The following RUNDC3B variants were observed in gnomAD, a reference collection of about 807,000 sequenced individuals.
RUNDC3B encodes RUN domain containing 3B, also known as RUN domain-containing protein 3B.
A neutral mutation model predicts 58.4 loss-of-function variants in RUNDC3B; 33 were observed. The observed-to-expected ratio is 0.56, with a 90% confidence interval of 0.43 to 0.75. The LOEUF is 0.75. Among genes scored for constraint, RUNDC3B ranks in the 30% least tolerant of loss-of-function variants. The pLI, the probability that RUNDC3B is intolerant of heterozygous loss-of-function variation, is 0.00. For missense variants in RUNDC3B, 501 were observed against 535.7 expected (o/e 0.94, Z 0.64); for synonymous variants, 193 against 195.2 (o/e 0.99, Z 0.10).
chr7:87,832,135 C>A lies in RUNDC3B; in HGVS notation c.*2105C>A, dbSNP rs982076348. ...TTTGTTACTGTTTGCATGAGGAAAC[C>A]ATGTATGTCTCAATCTTTAATTTTA... On this transcript the variant is annotated 3_prime_UTR_variant, in exon 11 of 11. Coordinates refer to ENST00000394654, the MANE Select transcript of RUNDC3B (RefSeq NM_001134405.2). 3 of 151,822 alleles carry A rather than the reference C, an allele frequency of 2.0e-5. No individual in the cohort carries two copies. The highest frequency in any genetic ancestry group is 7.3e-5 in the African/African-American group (3 of 41,378). 9.4% of individuals were successfully genotyped at this position (151,822 alleles called of 1,614,324 possible).
intron 2 of RUNDC3B, among the ~76,000 whole-genome samples, chr7:87,671,061 G>A (rs1825779239): frequency 6.6e-6 from 1 of 152,064 alleles, no homozygotes. Flanking sequence ...TGTTTCCTGG[G>A]GGCTCCAACC....
At chr7:87,642,804 T>C (rs1001938886) in intron 1 of RUNDC3B, among the ~76,000 whole-genome samples, 7 of 152,188 alleles carry the variant, frequency 4.6e-5, no homozygotes, top group Non-Finnish European at 1.0e-4. Context: ...ATGTTAATAA[T>C]ATAGTATTTC....
At chr7:87,809,035 CAG>C (rs1046250454) in intron 9 of RUNDC3B, among the ~76,000 whole-genome samples, 8 of 152,076 alleles carry the variant, frequency 5.3e-5, no homozygotes, top group Non-Finnish European at 1.2e-4. Context: ...TCCCAATCTA[CAG>C]AGTTATCTAT....
chr7:87,655,525 C>T (rs559773017), intron 2 of RUNDC3B, among the ~76,000 whole-genome samples: 3 of 151,962 alleles, frequency 2.0e-5, no homozygotes, highest in Non-Finnish European at 2.9e-5. Context: ...AAGTTGAATT[C>T]GTAGAAGTAG....
At chr7:87,642,997 C>T (rs549923050) in intron 1 of RUNDC3B, among the ~76,000 whole-genome samples, 1 of 151,994 alleles carries the variant, frequency 6.6e-6, no homozygotes, top group African/African-American at 2.4e-5. Flanking sequence ...CCCACTGTAA[C>T]CTTGAATTCC....
At chr7:87,743,408 G>T (rs1349261643) in intron 6 of RUNDC3B, among the ~76,000 whole-genome samples, 13 of 152,158 alleles carry the variant, frequency 8.5e-5, no homozygotes, top group Admixed American at 8.5e-4. Flanking sequence ...TTCCATAGTG[G>T]CTGTACTAGT....
At chr7:87,816,382 G>A (rs543345875) in intron 10 of RUNDC3B, 120 bp downstream of exon 10, 7 of 719,298 alleles carry the variant, frequency 9.7e-6, no homozygotes, top group Non-Finnish European at 1.5e-5. Flanking sequence ...AAATTAAGCA[G>A]CCATTATGAT....
At chr7:87,669,858 T>G (rs1825657326) in intron 2 of RUNDC3B, among the ~76,000 whole-genome samples, 1 of 152,208 alleles carries the variant, frequency 6.6e-6, no homozygotes, top group Non-Finnish European at 1.5e-5. Context: ...CTAATGGAGT[T>G]CCTTTTGTAG....
chr7:87,639,780 C>T (rs1229073748), intron 1 of RUNDC3B, among the ~76,000 whole-genome samples: 2 of 151,786 alleles, frequency 1.3e-5, no homozygotes, highest in African/African-American at 4.8e-5. Context: ...TTTCTGGGCT[C>T]TTATATTTAG....
At chr7:87,726,972 T>A (rs1356809123) in intron 4 of RUNDC3B, among the ~76,000 whole-genome samples, 6 of 152,184 alleles carry the variant, frequency 3.9e-5, no homozygotes, top group African/African-American at 1.4e-4. Flanking sequence ...GCTTATCAGC[T>A]TAAGGAGATT....
At chr7:87,760,020 G>A (rs1833587650) in intron 6 of RUNDC3B, among the ~76,000 whole-genome samples, 1 of 151,158 alleles carries the variant, frequency 6.6e-6, no homozygotes, top group African/African-American at 2.4e-5. Flanking sequence ...GGTTTTAGAT[G>A]TATTTCATTT....
At chr7:87,677,948 A>C (rs1826544154) in intron 2 of RUNDC3B, among the ~76,000 whole-genome samples, 2 of 152,214 alleles carry the variant, frequency 1.3e-5, no homozygotes, top group African/African-American at 4.8e-5. Flanking sequence ...ATTCAGTGAA[A>C]ATGTACTTCA....
At chr7:87,750,626 C>G (rs1832918551) in intron 6 of RUNDC3B, among the ~76,000 whole-genome samples, 1 of 151,810 alleles carries the variant, frequency 6.6e-6, no homozygotes, top group Admixed American at 6.6e-5. Flanking sequence ...TCTCTGATGG[C>G]CAGTGATGGT....
intron 4 of RUNDC3B, among the ~76,000 whole-genome samples, chr7:87,729,844 G>T (rs1229298249): frequency 6.6e-6 from 1 of 152,146 alleles, no homozygotes; most frequent in African/African-American, 2.4e-5. Context: ...GAGAGGAGAG[G>T]GGAGAGTAAA....
intron 2 of RUNDC3B, among the ~76,000 whole-genome samples, chr7:87,685,992 A>G: frequency 6.6e-6 from 1 of 151,884 alleles, no homozygotes; most frequent in Non-Finnish European, 1.5e-5. Context: ...CTCCTTTACC[A>G]TCACCCCTCC....
intron 8 of RUNDC3B, among the ~76,000 whole-genome samples, chr7:87,780,931 C>A (rs143774360): frequency 6.6e-6 from 1 of 152,042 alleles, no homozygotes; most frequent in Admixed American, 6.6e-5. Context: ...ACGCCTCCAG[C>A]TTTGTTATTT....
At chr7:87,652,027 T>G (rs1437813941) in intron 2 of RUNDC3B, among the ~76,000 whole-genome samples, 1 of 152,124 alleles carries the variant, frequency 6.6e-6, no homozygotes, top group East Asian at 1.9e-4. Flanking sequence ...AATAAAATTT[T>G]TATAAAAGCA....
chr7:87,672,180 C>T (rs1825887823), intron 2 of RUNDC3B, among the ~76,000 whole-genome samples: 1 of 152,204 alleles, frequency 6.6e-6, no homozygotes, highest in African/African-American at 2.4e-5. Context: ...AGAACACAGG[C>T]AGGGATGGCT....
chr7:87,767,501 G>A (rs920050978), intron 6 of RUNDC3B, among the ~76,000 whole-genome samples: 9 of 152,148 alleles, frequency 5.9e-5, no homozygotes, highest in Admixed American at 1.3e-4. Context: ...GCTACTTGTC[G>A]TAGCAATGTA....
Sources: gnomAD v4.1 joint callset for allele counts (sites outside exome capture counted in the v4.1 genomes callset) on GRCh38, gnomAD v4.1.1 for gene constraint, MANE v1.5 for transcripts, NCBI Gene and HGNC (gene_info 2026-07-23, HGNC 2026-07-21) for gene names.